The following KLHL21 variants were observed in gnomAD, a reference collection of about 807,000 sequenced individuals.
KLHL21 encodes the protein kelch like family member 21, also known as kelch-like protein 21.
Under a neutral mutation model 44.1 loss-of-function variants are expected in KLHL21, and 42 were observed. That is an observed-to-expected ratio of 0.95 (90% CI 0.74 to 1.23). The LOEUF (loss-of-function observed/expected upper bound fraction) is 1.23, where lower values mean the gene tolerates loss of function less well. KLHL21 is among the 50% of genes most tolerant of loss of function. The probability of loss-of-function intolerance (pLI) is 0.00; values close to 1 mark genes in which losing one functional copy is unlikely to be tolerated. For synonymous variants in KLHL21, 524 were observed against 411.6 expected, an observed-to-expected ratio of 1.27 and a Z score of -3.31; for missense variants, 918 against 889.1, an observed-to-expected ratio of 1.03 and a Z score of -0.41.
chr1:6,593,506 G>C lies in KLHL21; in HGVS notation c.1653C>G (p.Phe551Leu). Residue 551 changes from phenylalanine to leucine, a missense_variant, in exon 4 of 4, where the codon TTC (phenylalanine) becomes TTG (leucine). Coordinates refer to ENST00000377658, the MANE Select transcript of KLHL21 (RefSeq NM_014851.4). ...SVVGRLPEPT[F>L]WHGSVSIFRQ... The stretch of plus-strand genomic sequence containing the variant: ...GGAAGATGCTGACACTGCCATGCCA[G>C]AAGGTGGGTTCTGGGAGCCGCCCCA... 1 of 1,613,838 alleles carries C rather than the reference G, an allele frequency of 6.2e-7. No individual in the cohort carries two copies. The highest frequency in any genetic ancestry group is 8.5e-7 in the Non-Finnish European group (1 of 1,180,022).
At chr1:6,600,639 C>T (rs1438647309) in intron 1 of KLHL21, among the ~76,000 whole-genome samples, 1 of 152,252 alleles carries the variant, frequency 6.6e-6, no homozygotes, top group Non-Finnish European at 1.5e-5. Context: ...AACCAGCCAC[C>T]TGCCTAAACC....
At chr1:6,600,306 A>G (rs746962879) in intron 1 of KLHL21, among the ~76,000 whole-genome samples, 3 of 152,188 alleles carry the variant, frequency 2.0e-5, no homozygotes, top group Non-Finnish European at 2.9e-5. Flanking sequence ...TTGATATCCC[A>G]AAGTGCTGGG....
chr1:6,595,218 C>T lies in KLHL21; in HGVS notation c.1500+267G>A, dbSNP rs1640907684. 1.5e-5 allele frequency: 9 copies of T among 603,358 alleles called. No individual in the cohort carries two copies. In the South Asian group the frequency reaches 1.8e-4, roughly 12 times the overall value. The allele number at this position is 603,358 out of a possible 1,614,324, so 37.4% of individuals were successfully genotyped here. On this transcript the variant is annotated intron_variant, in intron 3 of 3. Coordinates refer to ENST00000377658, the MANE Select transcript of KLHL21 (RefSeq NM_014851.4). ...CCCCAGATGACTGTATGCCTTGCTC[C>T]CTCACTTCCTTCTGCTCTCTGGCTC...
Position 6,602,684 on chromosome 1 carries a change from C to A in KLHL21, c.134G>T (p.Arg45Leu). ...LDVTLEAAGG[R>L]DFPAHRAVLA... ...CACCGCACGGTGCGCCGGGAAGTCG[C>A]GCCCGCCCGCCGCCTCCAGGGTCAC... Residue 45 changes from arginine (R) to leucine (L), a missense_variant, in exon 1 of 4, where the codon CGC becomes CTC. By Grantham distance (102) the Arg-to-Leu change is moderately radical. Transcript: ENST00000377658. 6.6e-7 allele frequency: 1 copy of A among 1,511,594 alleles called. No homozygotes were observed. The highest frequency in any genetic ancestry group is 1.4e-5 in the African/African-American group (1 of 69,380). The allele number at this position is 1,511,594 out of a possible 1,614,324, so 93.6% of individuals were successfully genotyped here. A position where few individuals can be genotyped will look rare whatever the true frequency, so the allele number is the denominator to read the frequency against.
intron 3 of KLHL21, chr1:6,593,912 T>C: frequency 2.3e-6 from 3 of 1,284,434 alleles, no homozygotes; most frequent in South Asian, 2.8e-5. Flanking sequence ...CGTGTGCAGG[T>C]CGTGCCGAGC....
chr1:6,598,524 C>G (rs1005339734), intron 2 of KLHL21, among the ~76,000 whole-genome samples: 1 of 149,692 alleles, frequency 6.7e-6, no homozygotes, highest in African/African-American at 2.5e-5. Context: ...GAGCCAAGAT[C>G]GCGCCACTGT....
intron 1 of KLHL21, 133 bp downstream of exon 1, chr1:6,601,664 C>T: frequency 2.2e-6 from 3 of 1,375,108 alleles, no homozygotes; most frequent in South Asian, 1.5e-5. Context: ...GACATGTAGT[C>T]ACCAGAGCCC....
rs143032265 is a variant in KLHL21, at chr1:6,593,632, G to A, written c.1527C>T (p.Val509=). The A allele has an allele frequency of 1.1e-5, 18 of 1,591,288 alleles. 1 individual carries two copies. In the African/African-American group the frequency reaches 1.5e-4, roughly 13 times the overall value. The change falls in exon 4 of 4, where the codon GTC becomes GTT. Residue 509 remains valine (V), a synonymous_variant. Coordinates refer to ENST00000377658, the MANE Select transcript of KLHL21 (RefSeq NM_014851.4). ...CAGAGACGTACAGCTTCCCCCCAAGGACGGCCAGGCTGCCCCCCACATGTA... is the reference window on the plus strand; with the variant it reads ...CAGAGACGTACAGCTTCCCCCCAAGAACGGCCAGGCTGCCCCCCACATGTA... The part of the protein sequence containing the change: ...NQVHVGGSLA[V]LGGKLYVSGG...
chr1:6,602,208 G>A lies in KLHL21; in HGVS notation c.610C>T (p.Arg204Cys). The A allele has an allele frequency of 6.6e-7, 1 of 1,516,400 alleles. No individual in the cohort carries two copies. 93.9% of individuals were successfully genotyped at this position (1,516,400 alleles called of 1,614,324 possible). A position where few individuals can be genotyped will look rare whatever the true frequency, so the allele number is the denominator to read the frequency against. The change falls in exon 1 of 4, where the codon CGC becomes TGC. Residue 204 changes from arginine to cysteine, a missense_variant. Physicochemically the swap from Arg to Cys is radical, Grantham distance 180. Transcript: ENST00000377658. ...KEEAAYQLAL[R>C]WVRADPPRRA... ...CGCGGCGGGTCAGCGCGGACCCAGC[G>A]CAGCGCCAGCTGGTAGGCGGCCTCC...
rs751428989 is a variant in KLHL21 at position 6,602,026 on chromosome 1, G to T, written c.792C>A (p.Arg264=). 2 of 1,533,730 alleles carry T rather than the reference G, an allele frequency of 1.3e-6. No individual in the cohort carries two copies. Among genetic ancestry groups the T allele is most frequent in the South Asian group, 2.4e-5 (2 of 82,906 alleles). The change falls in exon 1 of 4, where the codon CGC becomes CGA. Residue 264 remains arginine (R), a synonymous_variant. Transcript: ENST00000377658. The part of the protein sequence containing the change: ...LREARDFQAA[R]YDRHDRGPCP... ...AGGGCCCGCGGTCGTGGCGGTCGTA[G>T]CGCGCCGCCTGGAAGTCGCGCGCCT...
rs1462161802 is a variant in KLHL21 at position 6,602,233 on chromosome 1, C to T, written c.585G>A (p.Glu195=). ...GCAGCGCCAGCTGGTAGGCGGCCTC[C>T]TCCTTGGGCACACACAGCCCGTCGT... ...LRDDGLCVPK[E]EAAYQLALRW... Residue 195 remains glutamate (E), a synonymous_variant, in exon 1 of 4, where the codon GAG becomes GAA. Coordinates refer to ENST00000377658, the MANE Select transcript of KLHL21 (RefSeq NM_014851.4). 3 of 1,529,164 alleles carry T rather than the reference C, an allele frequency of 2.0e-6. No homozygotes were observed. Among genetic ancestry groups the T allele is most frequent in the Admixed American group, 2.0e-5 (1 of 50,990 alleles). The allele number at this position is 1,529,164 out of a possible 1,614,324, so 94.7% of individuals were successfully genotyped here.
Position 6,593,046 on chromosome 1 carries a change from G to C in KLHL21, c.*319C>G. The C allele has an allele frequency of 5.7e-6, 2 of 351,618 alleles. No homozygotes were observed. Among genetic ancestry groups the C allele is most frequent in the Admixed American group, 4.2e-5 (1 of 24,074 alleles). The allele number at this position is 351,618 out of a possible 1,614,324, so 21.8% of individuals were successfully genotyped here. On this transcript the variant is annotated 3_prime_UTR_variant, in exon 4 of 4. Transcript: ENST00000377658. ...CCCAAGGTGGGAACAAGTAGGTGCA[G>C]ATGACAACGGCAGGAGGGGTGTGCG...
chr1:6,599,364 C>T lies in KLHL21; in HGVS notation c.1110G>A (p.Lys370=). ...NEWAEVAPML[K]AREYHSSSVL... is the part of the protein sequence containing the mutation. ...CAGAGGAGCTGTGGTACTCGCGGGC[C>T]TTCAGCATGGGCGCCACCTCCGCCC... The change falls in exon 2 of 4, where the codon AAG becomes AAA. Residue 370 remains lysine (K), a synonymous_variant. Transcript: ENST00000377658. 6.2e-7 allele frequency: 1 copy of T among 1,613,836 alleles called. No individual in the cohort carries two copies. Among genetic ancestry groups the T allele is most frequent in the East Asian group, 2.2e-5 (1 of 44,886 alleles).
In KLHL21 at chr1:6,599,078, C is replaced by T. The variant is rs1255294735; in HGVS notation, c.1396G>A (p.Ala466Thr). The T allele has an allele frequency of 1.9e-6, 3 of 1,604,564 alleles. No homozygotes were observed. The Admixed American group carries it at 5.1e-5, about 27-fold the overall frequency. Residue 466 changes from alanine to threonine, a missense_variant, in exon 2 of 4, where the codon GCG (alanine) becomes ACG (threonine). Ala to Thr is a moderately conservative substitution (Grantham distance 58). Coordinates refer to ENST00000377658, the MANE Select transcript of KLHL21 (RefSeq NM_014851.4). ...AAGTACATGAGTCCGTTTAGAGTCG[C>T]AGTCTTGGGGGCGAAGGACCAGGGC... ...LPPWSFAPKT[A>T]TLNGLMYFVR...
chr1:6,595,426 T>C (rs1344968070), intron 3 of KLHL21, 59 bp downstream of exon 3: 2 of 1,518,518 alleles, frequency 1.3e-6, no homozygotes, highest in Middle Eastern at 3.4e-4. Context: ...ACGATGACAC[T>C]TGGGTTGCAA....
chr1:6,592,102 AT>A lies in KLHL21; in HGVS notation c.*1262del, dbSNP rs1301487772. On this transcript the variant is annotated 3_prime_UTR_variant, in exon 4 of 4. Transcript: ENST00000377658. ...AGCCCTGTCAGGGGTCCTGGGACAT[AT>A]TAAGGCAACCAGCCACGCCATCTGG... 6.6e-6 allele frequency: 1 copy of A among 152,324 alleles called. No homozygotes were observed. Among genetic ancestry groups the A allele is most frequent in the Admixed American group, 6.5e-5 (1 of 15,282 alleles). The allele number at this position is 152,324 out of a possible 1,614,324, so 9.4% of individuals were successfully genotyped here.
chr1:6,597,379 C>G (rs1286241038), intron 2 of KLHL21, among the ~76,000 whole-genome samples: 2 of 152,218 alleles, frequency 1.3e-5, no homozygotes, highest in South Asian at 2.1e-4. Context: ...GCCTAGGGGC[C>G]GAAAGGAAGG....
intron 2 of KLHL21, among the ~76,000 whole-genome samples, chr1:6,596,295 A>C (rs575107828): frequency 6.6e-6 from 1 of 152,334 alleles, no homozygotes; most frequent in South Asian, 2.1e-4. Context: ...GCTGCTCAGG[A>C]GGCTGAGGTA....
chr1:6,599,794 G>C, intron 1 of KLHL21: 1 of 260,664 alleles, frequency 3.8e-6, no homozygotes, highest in Non-Finnish European at 7.3e-6. Context: ...GTTCTCCTGG[G>C]GAGCCACAGA....
Sources: allele counts gnomAD v4.1 joint callset (sites outside exome capture counted in the v4.1 genomes callset), GRCh38; gene constraint gnomAD v4.1.1; transcripts MANE v1.5; gene names NCBI Gene and HGNC (gene_info 2026-07-23, HGNC 2026-07-21).